Variants in RTN1 observed in about 807,000 individuals in gnomAD.
RTN1 encodes the protein reticulon-1.
RTN1 carries 25 observed loss-of-function variants against 65.5 expected under a neutral mutation model. The observed-to-expected ratio is 0.38, with a 90% confidence interval of 0.28 to 0.53. RTN1 has a LOEUF of 0.53. Among genes scored for constraint, RTN1 ranks in the 20% least tolerant of loss-of-function variants. The pLI, the probability that RTN1 is intolerant of heterozygous loss-of-function variation, is 0.79. For missense variants in RTN1, 983 were observed against 1,025.4 expected (o/e 0.96, Z 0.57); for synonymous variants, 471 against 447.6 (o/e 1.05, Z -0.66).
chr14:59,795,538 T>C (rs532288133), intron 1 of RTN1, among the ~76,000 whole-genome samples: 2 of 152,098 alleles, frequency 1.3e-5, no homozygotes, highest in African/African-American at 2.4e-5. Context: ...CCATCTCTAT[T>C]TATAAAAGTA....
Position 59,749,587 on chromosome 14 carries a change from T to A in RTN1, c.242-3106A>T, listed in dbSNP as rs547160599. ...TATATAGATATATATATATAGATAT[T>A]TATATATATATCTATCTATATATAT... On this transcript the variant is annotated intron_variant, in intron 1 of 8. Coordinates refer to ENST00000267484, the MANE Select transcript of RTN1 (RefSeq NM_021136.3). Among the ~76,000 whole-genome samples the A allele has an allele frequency of 8.2e-5, 3 of 36,432 alleles. 1 individual carries two copies. The highest frequency in any genetic ancestry group is 1.2e-4 in the Non-Finnish European group (3 of 25,158). The allele number at this position is 36,432 out of a possible 152,430, so 23.9% of individuals were successfully genotyped here. A position where few individuals can be genotyped will look rare whatever the true frequency, so the allele number is the denominator to read the frequency against.
At position 59,602,662 on chromosome 14, in the gene RTN1, T is replaced by C. The variant is rs368584489; in HGVS notation, c.2288+403A>G. Among the ~76,000 whole-genome samples, 19 of 152,302 alleles carry C rather than the reference T, an allele frequency of 1.2e-4. 2 individuals are homozygous for C. Among genetic ancestry groups the C allele is most frequent in the Admixed American group, 7.2e-4 (11 of 15,304 alleles). Reference sequence around the variant, plus strand: ...TTTTAAAAGTAATTTAAATGATTTTTAAAAAATTAGTGCTATTCATTGTTT... The same window carrying C: ...TTTTAAAAGTAATTTAAATGATTTTCAAAAAATTAGTGCTATTCATTGTTT... On this transcript the variant is annotated intron_variant, in intron 8 of 8. Coordinates refer to ENST00000267484, the MANE Select transcript of RTN1 (RefSeq NM_021136.3).
intron 3 of RTN1, among the ~76,000 whole-genome samples, chr14:59,703,305 T>C (rs1181713603): frequency 6.6e-6 from 1 of 152,196 alleles, no homozygotes; most frequent in Non-Finnish European, 1.5e-5. Context: ...GGGAGGTGAT[T>C]GGATCATGGG....
intron 1 of RTN1, among the ~76,000 whole-genome samples, chr14:59,785,807 C>G (rs1469297012): frequency 3.3e-5 from 5 of 152,146 alleles, no homozygotes; most frequent in African/African-American, 1.2e-4. Flanking sequence ...CCCTTTCCAC[C>G]CTTCCATTCA....
chr14:59,742,155 T>C (rs985445055), intron 2 of RTN1, among the ~76,000 whole-genome samples: 2 of 152,224 alleles, frequency 1.3e-5, no homozygotes, highest in African/African-American at 2.4e-5. Flanking sequence ...ATAGATCCCA[T>C]CAATGCAAGG....
chr14:59,602,124 C>T (rs568015267), intron 8 of RTN1, among the ~76,000 whole-genome samples: 94 of 152,246 alleles, frequency 6.2e-4, no homozygotes, highest in Non-Finnish European at 1.2e-3. Flanking sequence ...AAGCACATCA[C>T]ATATAATCTA....
rs1399190811 is a variant in RTN1 at position 59,803,334 on chromosome 14, C to T, written c.242-56853G>A. Among the ~76,000 whole-genome samples, 3 of 152,108 alleles carry T rather than the reference C, an allele frequency of 2.0e-5. No homozygotes were observed. Among genetic ancestry groups the T allele is most frequent in the Non-Finnish European group, 2.9e-5 (2 of 68,022 alleles). On this transcript the variant is annotated intron_variant, in intron 1 of 8. Coordinates refer to ENST00000267484, the MANE Select transcript of RTN1 (RefSeq NM_021136.3). This position sits in a 1 kb window ranked among gnomAD's most constrained non-coding sequence, Gnocchi z 5.6. ...AATTCAATCCAGATGTGAAAAGTTT[C>T]CACACGCTTAAGTAAGTTTTCATCC...
intron 1 of RTN1, among the ~76,000 whole-genome samples, chr14:59,814,847 T>C (rs769746309): frequency 2.6e-5 from 4 of 152,232 alleles, no homozygotes; most frequent in Non-Finnish European, 5.9e-5. Context: ...TTTATCCTTA[T>C]AAGGAAAAGT....
At chr14:59,750,535 A>T (rs190054815) in intron 1 of RTN1, among the ~76,000 whole-genome samples, 19 of 120 alleles carry the variant, frequency 0.16, no homozygotes, top group Non-Finnish European at 0.22. Context: ...AATATATATA[A>T]TATATCTATA....
rs1201317420 is a variant in RTN1 at position 59,749,366 on chromosome 14, ATATC to A, written c.242-2889_242-2886del. 4.0e-3 allele frequency among the ~76,000 whole-genome samples: 259 copies of A among 64,452 alleles called. 24 individuals carry two copies. Among genetic ancestry groups the A allele is most frequent in the African/African-American group, 0.024 (245 of 10,032 alleles). 42.3% of individuals were successfully genotyped at this position (64,452 alleles called of 152,430 possible). On this transcript the variant is annotated intron_variant, in intron 1 of 8. Coordinates refer to ENST00000267484, the MANE Select transcript of RTN1 (RefSeq NM_021136.3). The stretch of plus-strand genomic sequence containing the variant: ...TATATATCTATATATATCTATATAT[ATATC>A]TATATATCTATATCTATATATATCT...
intron 3 of RTN1, among the ~76,000 whole-genome samples, chr14:59,613,980 T>C (rs1356742331): frequency 6.6e-6 from 1 of 152,154 alleles, no homozygotes; most frequent in Non-Finnish European, 1.5e-5. Flanking sequence ...ATATAAGGGA[T>C]GGCTAATAGT....
chr14:59,618,385 T>A (rs1355453045), intron 3 of RTN1, among the ~76,000 whole-genome samples: 1 of 152,160 alleles, frequency 6.6e-6, no homozygotes, highest in African/African-American at 2.4e-5. Context: ...CTCATCTGAT[T>A]TTGTGGCCCC....
At chr14:59,780,814 A>G (rs1886141236) in intron 1 of RTN1, among the ~76,000 whole-genome samples, 2 of 152,326 alleles carry the variant, frequency 1.3e-5, no homozygotes, top group South Asian at 2.1e-4. Flanking sequence ...GTGCAGCAAT[A>G]TCATTAGTTC....
chr14:59,661,306 G>A (rs1028194720), intron 3 of RTN1, among the ~76,000 whole-genome samples: 4 of 142,276 alleles, frequency 2.8e-5, no homozygotes, highest in Non-Finnish European at 4.5e-5. Flanking sequence ...ATTCACAGCC[G>A]AATTCTATTC....
chr14:59,799,879 C>A (rs924319971), intron 1 of RTN1, among the ~76,000 whole-genome samples: 1 of 152,092 alleles, frequency 6.6e-6, no homozygotes, highest in Non-Finnish European at 1.5e-5. Context: ...GTTTGACAGA[C>A]AAAGAGGTAG....
chr14:59,763,367 T>A (rs149273616), intron 1 of RTN1, among the ~76,000 whole-genome samples: 1 of 152,160 alleles, frequency 6.6e-6, no homozygotes, highest in African/African-American at 2.4e-5. Flanking sequence ...TGAGCCAGAG[T>A]TTGGGAATAT....
At chr14:59,841,737 C>T (rs1453150870) in intron 1 of RTN1, among the ~76,000 whole-genome samples, 1 of 148,122 alleles carries the variant, frequency 6.8e-6, no homozygotes, top group Non-Finnish European at 1.5e-5. Flanking sequence ...ACAGCAGACT[C>T]TAGAAGACTG....
At chr14:59,777,036 G>A (rs113157045) in intron 1 of RTN1, among the ~76,000 whole-genome samples, 2,431 of 152,258 alleles carry the variant, frequency 0.016, 63 homozygotes, top group African/African-American at 0.056. Context: ...TCATTACGGA[G>A]TGACATGTCC....
intron 2 of RTN1, among the ~76,000 whole-genome samples, chr14:59,735,837 A>T (rs1404926050): frequency 2.0e-5 from 3 of 152,162 alleles, no homozygotes; most frequent in Admixed American, 6.5e-5. Flanking sequence ...ATAATAACAA[A>T]CAGTCTCTCA....
Sources: gnomAD v4.1 joint callset for allele counts (sites outside exome capture counted in the v4.1 genomes callset) on GRCh38, gnomAD v4.1.1 for gene constraint, Gnocchi (gnomAD v3.1) non-coding constraint, MANE v1.5 for transcripts, NCBI Gene and HGNC (gene_info 2026-07-23, HGNC 2026-07-21) for gene names.